Variants in ARB2A observed in about 807,000 individuals in gnomAD.
ARB2A encodes the protein ARB2 cotranscriptional regulator A.
chr5:94,009,919 C>T, the ARB2A span, among the ~76,000 whole-genome samples: 43 of 136,500 alleles, frequency 3.2e-4, no homozygotes, highest in African/African-American at 1.1e-3. Flanking sequence ...CATCTTTGGT[C>T]TTTTTTTTTT....
the ARB2A span, among the ~76,000 whole-genome samples, chr5:94,067,129 A>T: frequency 6.6e-6 from 1 of 152,228 alleles, no homozygotes. Flanking sequence ...GCATTTGATA[A>T]AATTCAACAA....
At chr5:93,962,163 C>A in the ARB2A span, among the ~76,000 whole-genome samples, 2 of 152,160 alleles carry the variant, frequency 1.3e-5, no homozygotes, top group Non-Finnish European at 2.9e-5. Flanking sequence ...TTCCAGCGAA[C>A]CACCTCACTT....
At chr5:94,067,387 G>T in the ARB2A span, among the ~76,000 whole-genome samples, 2 of 152,092 alleles carry the variant, frequency 1.3e-5, no homozygotes, top group Non-Finnish European at 2.9e-5. Flanking sequence ...AATTGGAAAA[G>T]AAGTCAAATT....
chr5:94,050,813 A>G, the ARB2A span: 1 of 1,611,600 alleles, frequency 6.2e-7, no homozygotes, highest in Non-Finnish European at 8.5e-7. Context: ...CCCAGTTTTT[A>G]TGTGTCTTAA....
At chr5:93,639,509 C>T in the ARB2A span, among the ~76,000 whole-genome samples, 1 of 151,760 alleles carries the variant, frequency 6.6e-6, no homozygotes, top group African/African-American at 2.4e-5. Flanking sequence ...CTTAAAGGAT[C>T]CCGAACTTAT....
the ARB2A span, among the ~76,000 whole-genome samples, chr5:93,982,463 C>T: frequency 3.3e-5 from 5 of 152,072 alleles, no homozygotes; most frequent in African/African-American, 7.2e-5. Flanking sequence ...CTAAAAGCAC[C>T]GGCATCACTA....
At chr5:93,932,089 T>C in the ARB2A span, among the ~76,000 whole-genome samples, 1 of 152,176 alleles carries the variant, frequency 6.6e-6, no homozygotes, top group African/African-American at 2.4e-5. Context: ...AGGATTACCA[T>C]TTTACCATTG....
the ARB2A span, among the ~76,000 whole-genome samples, chr5:93,662,942 G>A: frequency 6.6e-6 from 1 of 152,190 alleles, no homozygotes; most frequent in African/African-American, 2.4e-5. Flanking sequence ...GACGAGGGCT[G>A]TGTCCTCCAG....
chr5:94,063,840 A>AT, the ARB2A span, among the ~76,000 whole-genome samples: 2 of 152,348 alleles, frequency 1.3e-5, no homozygotes, highest in Admixed American at 6.5e-5. Flanking sequence ...CCATAGATAC[A>AT]TTTTAAGAAA....
chr5:94,078,702 G>T, the ARB2A span, among the ~76,000 whole-genome samples: 2 of 152,044 alleles, frequency 1.3e-5, no homozygotes, highest in African/African-American at 4.8e-5. Flanking sequence ...TCCAATCCAA[G>T]TATATCTAAA....
At chr5:93,727,104 A>C in the ARB2A span, among the ~76,000 whole-genome samples, 15 of 152,180 alleles carry the variant, frequency 9.9e-5, no homozygotes, top group South Asian at 2.5e-3. Context: ...AGAAGATACT[A>C]GTTTGGTAGT....
chr5:93,888,784 G>A, the ARB2A span, among the ~76,000 whole-genome samples: 1 of 151,652 alleles, frequency 6.6e-6, no homozygotes, highest in Non-Finnish European at 1.5e-5. Context: ...AATATCATGT[G>A]TTTAAATTGT....
the ARB2A span, among the ~76,000 whole-genome samples, chr5:93,831,772 G>A: frequency 6.6e-6 from 1 of 152,178 alleles, no homozygotes; most frequent in East Asian, 1.9e-4. Flanking sequence ...ACAGAGAATA[G>A]TATTACAGCT....
the ARB2A span, among the ~76,000 whole-genome samples, chr5:93,975,111 G>C: frequency 6.6e-6 from 1 of 151,856 alleles, no homozygotes; most frequent in Admixed American, 6.6e-5. Context: ...TCAGGAGATG[G>C]AGACCACCCT....
chr5:93,912,598 T>C, the ARB2A span, among the ~76,000 whole-genome samples: 1 of 151,702 alleles, frequency 6.6e-6, no homozygotes, highest in South Asian at 2.1e-4. Context: ...AAATTTTATT[T>C]TGGTCCCAAA....
the ARB2A span, among the ~76,000 whole-genome samples, chr5:93,884,494 A>T: frequency 6.6e-6 from 1 of 151,690 alleles, no homozygotes; most frequent in Non-Finnish European, 1.5e-5. Flanking sequence ...TCCCTTAGGC[A>T]TCAACAGATG....
At chr5:93,660,197 C>G in the ARB2A span, among the ~76,000 whole-genome samples, 1 of 152,000 alleles carries the variant, frequency 6.6e-6, no homozygotes, top group Admixed American at 6.6e-5. Context: ...TATGTAAGTG[C>G]TATTATTGCT....
chr5:93,996,348 C>A, the ARB2A span, among the ~76,000 whole-genome samples: 1 of 151,934 alleles, frequency 6.6e-6, no homozygotes, highest in Non-Finnish European at 1.5e-5. Flanking sequence ...TAAATACGGA[C>A]AAATAATTTT....
chr5:94,091,230 A>C, the ARB2A span, among the ~76,000 whole-genome samples: 1 of 152,234 alleles, frequency 6.6e-6, no homozygotes, highest in African/African-American at 2.4e-5. Context: ...GGTTGTTTTA[A>C]ATAGTTTGTT....
Sources: gnomAD v4.1 joint callset for allele counts (sites outside exome capture counted in the v4.1 genomes callset) on GRCh38, gnomAD v4.1.1 for gene constraint, MANE v1.5 for transcripts, NCBI Gene and HGNC (gene_info 2026-07-23, HGNC 2026-07-21) for gene names.